The following FSTL4 variants were observed in gnomAD, a reference collection of about 807,000 sequenced individuals.
The protein encoded by FSTL4 is follistatin-related protein 4.
FSTL4 carries 28 observed loss-of-function variants against 78.2 expected under a neutral mutation model. That is an observed-to-expected ratio of 0.36 (90% confidence interval 0.27 to 0.49). FSTL4 has a LOEUF of 0.49. Ranked by LOEUF, FSTL4 falls within the 20% of genes least tolerant of loss-of-function variation. FSTL4 has a pLI of 0.98. For synonymous variants in FSTL4, 422 were observed against 440.5 expected, an observed-to-expected ratio of 0.96 and a Z score of 0.53; for missense variants, 922 against 1,084.9, an observed-to-expected ratio of 0.85 and a Z score of 2.11.
chr5:133,386,725 C>A (rs184541735), intron 4 of FSTL4, among the ~76,000 whole-genome samples: 7 of 152,206 alleles, frequency 4.6e-5, no homozygotes, highest in Non-Finnish European at 1.0e-4. Flanking sequence ...GAGAAGGAAC[C>A]CAGGCAGAAG....
At chr5:133,373,302 C>T (rs542904171) in intron 4 of FSTL4, among the ~76,000 whole-genome samples, 1 of 152,330 alleles carries the variant, frequency 6.6e-6, no homozygotes, top group South Asian at 2.1e-4. Flanking sequence ...CAGCCCACTG[C>T]CTTTTGGGGT....
chr5:133,542,491 T>A (rs55663659), intron 3 of FSTL4, among the ~76,000 whole-genome samples: 8,705 of 152,266 alleles, frequency 0.057, 360 homozygotes, highest in Middle Eastern at 0.099. Context: ...TACCCACTTT[T>A]TCTGGATTCT....
At chr5:133,710,977 G>A in the FSTL4 span, among the ~76,000 whole-genome samples, 2 of 152,184 alleles carry the variant, frequency 1.3e-5, no homozygotes, top group African/African-American at 4.8e-5. Context: ...CTGAACAGGG[G>A]AAACCTCCGT....
chr5:133,821,827 C>G, the FSTL4 span, among the ~76,000 whole-genome samples: 1 of 152,038 alleles, frequency 6.6e-6, no homozygotes, highest in African/African-American at 2.4e-5. Flanking sequence ...GAGTGAGATA[C>G]CAGAGAAAAG....
chr5:133,239,810 CG>C (rs1325264385), intron 7 of FSTL4, among the ~76,000 whole-genome samples: 5 of 152,140 alleles, frequency 3.3e-5, no homozygotes, highest in Admixed American at 6.5e-5. Flanking sequence ...TAGTGGGGAC[CG>C]TGGAGAACTT....
At chr5:133,716,516 C>T in the FSTL4 span, among the ~76,000 whole-genome samples, 7 of 152,088 alleles carry the variant, frequency 4.6e-5, no homozygotes, top group Non-Finnish European at 7.4e-5. Flanking sequence ...GTGTTTTAAG[C>T]TTCCCTGCAG....
chr5:133,779,028 A>G, the FSTL4 span, among the ~76,000 whole-genome samples: 1 of 152,192 alleles, frequency 6.6e-6, no homozygotes, highest in African/African-American at 2.4e-5. Flanking sequence ...GGACCCATGG[A>G]GTAGGACCTC....
At chr5:133,841,186 G>A in the FSTL4 span, among the ~76,000 whole-genome samples, 1 of 152,322 alleles carries the variant, frequency 6.6e-6, no homozygotes, top group Admixed American at 6.5e-5. Flanking sequence ...GCATCTTCAA[G>A]GCTTCTTTGG....
At position 133,232,076 on chromosome 5, in the gene FSTL4, T is replaced by C. The variant is rs1206546238; in HGVS notation, c.1015+1341A>G. 2.0e-5 allele frequency among the ~76,000 whole-genome samples: 3 copies of C among 152,340 alleles called. No individual in the cohort carries two copies. In the East Asian group the frequency reaches 5.8e-4, roughly 29 times the overall value. ...GAACTGTGGGGAGGTCAAGGGTGTT[T>C]TTAATTTAATGGATTAATCATTTAT... is the stretch of plus-strand genomic sequence containing the variant. On this transcript the variant is annotated intron_variant, in intron 8 of 15. Coordinates refer to ENST00000265342, the MANE Select transcript of FSTL4 (RefSeq NM_015082.2).
At chr5:133,483,283 G>A (rs1758066267) in intron 3 of FSTL4, among the ~76,000 whole-genome samples, 1 of 152,118 alleles carries the variant, frequency 6.6e-6, no homozygotes. Flanking sequence ...GCCCAGTCTT[G>A]GGTATTTCTT....
At chr5:133,521,742 G>A (rs1303750597) in intron 3 of FSTL4, among the ~76,000 whole-genome samples, 1 of 152,112 alleles carries the variant, frequency 6.6e-6, no homozygotes, top group Non-Finnish European at 1.5e-5. Flanking sequence ...GGCTATTAAT[G>A]TCTTGTGAGA....
intron 2 of FSTL4, among the ~76,000 whole-genome samples, chr5:133,588,330 C>G (rs1424424969): frequency 1.7e-5 from 1 of 59,064 alleles, no homozygotes; most frequent in Non-Finnish European, 3.1e-5. Context: ...AAAGAAACTA[C>G]CATGAGAGTG....
At chr5:133,696,297 T>C in the FSTL4 span, among the ~76,000 whole-genome samples, 147 of 152,356 alleles carry the variant, frequency 9.6e-4, 1 homozygote, top group Middle Eastern at 3.4e-3. Flanking sequence ...TGTCCTGGCT[T>C]TGTCTGGGGC....
At chr5:133,566,708 G>A (rs901395306) in intron 3 of FSTL4, among the ~76,000 whole-genome samples, 5 of 152,172 alleles carry the variant, frequency 3.3e-5, no homozygotes, top group Non-Finnish European at 7.4e-5. Context: ...TCATGGAACT[G>A]TTTTCAAAAG....
intron 3 of FSTL4, among the ~76,000 whole-genome samples, chr5:133,468,069 G>A (rs1757750010): frequency 6.6e-6 from 1 of 152,196 alleles, no homozygotes; most frequent in African/African-American, 2.4e-5. Flanking sequence ...TCTCAGCAAG[G>A]GGAAGGTGTA....
the FSTL4 span, among the ~76,000 whole-genome samples, chr5:133,732,614 C>T: frequency 6.6e-6 from 1 of 152,190 alleles, no homozygotes; most frequent in Non-Finnish European, 1.5e-5. Context: ...CAGCCTCCTC[C>T]CGGCCTCCCC....
At chr5:133,583,259 T>G (rs143060258) in intron 2 of FSTL4, 1 of 455,870 alleles carries the variant, frequency 2.2e-6, no homozygotes, top group Admixed American at 2.3e-5. Context: ...ATGCTGGGAA[T>G]CTTACCTCCT....
At chr5:133,290,902 T>C (rs1316399502) in intron 6 of FSTL4, among the ~76,000 whole-genome samples, 3 of 152,226 alleles carry the variant, frequency 2.0e-5, no homozygotes, top group African/African-American at 7.2e-5. Context: ...AGCTGAATGC[T>C]GGCCAGCCCG....
chr5:133,623,965 G>A, the FSTL4 span, among the ~76,000 whole-genome samples: 4 of 152,102 alleles, frequency 2.6e-5, no homozygotes, highest in East Asian at 3.9e-4. Flanking sequence ...AACAAGTGTT[G>A]GTGAGGATAT....
Sources: allele counts gnomAD v4.1 joint callset (sites outside exome capture counted in the v4.1 genomes callset), GRCh38; gene constraint gnomAD v4.1.1; transcripts MANE v1.5; gene names NCBI Gene and HGNC (gene_info 2026-07-23, HGNC 2026-07-21).